Variants in NFIA observed in about 807,000 individuals in gnomAD.
NFIA encodes the protein nuclear factor 1 A-type.
A neutral mutation model predicts 62.8 loss-of-function variants in NFIA; 8 were observed. The ratio of observed to expected loss-of-function variants is 0.13; its 90% CI spans 0.07 to 0.23. The LOEUF is 0.23. Ranked by LOEUF, NFIA falls within the 10% of genes least tolerant of loss-of-function variation. The pLI, the probability that NFIA is intolerant of heterozygous loss-of-function variation, is 1.00. For missense variants in NFIA, 410 were observed against 642.1 expected (o/e 0.64, Z 3.91); for synonymous variants, 235 against 238.1 (o/e 0.99, Z 0.12).
chr1:61,303,283 G>A (rs1388840542), intron 3 of NFIA, among the ~76,000 whole-genome samples: 1 of 152,154 alleles, frequency 6.6e-6, no homozygotes, highest in African/African-American at 2.4e-5. Flanking sequence ...CTTGGTAGTT[G>A]CACAGGATAC....
intron 9 of NFIA, among the ~76,000 whole-genome samples, chr1:61,418,098 T>C (rs1212140288): frequency 6.6e-6 from 1 of 152,232 alleles, no homozygotes; most frequent in Non-Finnish European, 1.5e-5. Context: ...CCAAAAAAAG[T>C]ATTATTTGAG....
chr1:61,361,978 C>T (rs1307362870), intron 6 of NFIA, among the ~76,000 whole-genome samples: 2 of 151,998 alleles, frequency 1.3e-5, no homozygotes, highest in East Asian at 1.9e-4. Context: ...GTACATTTGG[C>T]CATACTCAGC....
At chr1:61,362,010 C>G (rs1663324728) in intron 6 of NFIA, among the ~76,000 whole-genome samples, 1 of 151,986 alleles carries the variant, frequency 6.6e-6, no homozygotes, top group Admixed American at 6.6e-5. Flanking sequence ...GTCATAATTG[C>G]AACAAGGCCT....
intron 2 of NFIA, among the ~76,000 whole-genome samples, chr1:61,211,220 A>G (rs1336155790): frequency 6.6e-6 from 1 of 152,210 alleles, no homozygotes; most frequent in Non-Finnish European, 1.5e-5. Context: ...AACTCAAAAA[A>G]CAAACAGTAC....
At chr1:61,451,010 G>C (rs1668031987) in intron 10 of NFIA, among the ~76,000 whole-genome samples, 1 of 152,174 alleles carries the variant, frequency 6.6e-6, no homozygotes, top group Non-Finnish European at 1.5e-5. Flanking sequence ...GCCCGCATCA[G>C]CTGTGTCTTC....
chr1:61,307,142 C>T (rs146330275), intron 3 of NFIA, among the ~76,000 whole-genome samples: 175 of 152,314 alleles, frequency 1.1e-3, no homozygotes, highest in African/African-American at 4.2e-3. Context: ...CAGCAAACCA[C>T]AGCTGCTATG....
chr1:61,137,953 CTTTT>C (rs1240928223), intron 2 of NFIA, among the ~76,000 whole-genome samples: 1 of 142,882 alleles, frequency 7.0e-6, no homozygotes, highest in Non-Finnish European at 1.5e-5. Context: ...TCTCCCACCT[CTTTT>C]TTTTTTTTTC....
At chr1:61,148,453 A>T (rs2100517069) in intron 2 of NFIA, among the ~76,000 whole-genome samples, 1 of 152,138 alleles carries the variant, frequency 6.6e-6, no homozygotes, top group East Asian at 1.9e-4. Context: ...CTTCTAGAAG[A>T]CGTTTTAGGA....
intron 3 of NFIA, among the ~76,000 whole-genome samples, chr1:61,285,223 C>G (rs1658409522): frequency 6.6e-6 from 1 of 152,024 alleles, no homozygotes; most frequent in African/African-American, 2.4e-5. Flanking sequence ...CTTAGAAGGA[C>G]CACTTCTAAT....
At chr1:61,278,724 G>A (rs550815638) in intron 3 of NFIA, among the ~76,000 whole-genome samples, 1 of 152,158 alleles carries the variant, frequency 6.6e-6, no homozygotes, top group Non-Finnish European at 1.5e-5. Context: ...CTGGGAGGCA[G>A]AGGTTGCAGT....
chr1:61,351,953 T>G (rs1662568063), intron 4 of NFIA, among the ~76,000 whole-genome samples: 1 of 152,188 alleles, frequency 6.6e-6, no homozygotes, highest in Admixed American at 6.5e-5. Flanking sequence ...GTATGCAAGA[T>G]GGAGAGGTGA....
chr1:61,077,825 G>T (rs1368306888), upstream of NFIA, among the ~76,000 whole-genome samples: 3 of 150,552 alleles, frequency 2.0e-5, no homozygotes, highest in Admixed American at 1.3e-4. Flanking sequence ...TTTTTGCTAT[G>T]TGCATCAGAG....
At chr1:61,178,344 CA>C (rs1650535405) in intron 2 of NFIA, among the ~76,000 whole-genome samples, 2 of 152,108 alleles carry the variant, frequency 1.3e-5, no homozygotes, top group African/African-American at 4.8e-5. Context: ...AACATTTGTC[CA>C]AATCATATTG....
intron 2 of NFIA, among the ~76,000 whole-genome samples, chr1:61,155,533 C>T (rs904105126): frequency 2.0e-5 from 3 of 151,532 alleles, no homozygotes; most frequent in Non-Finnish European, 2.9e-5. Flanking sequence ...ATTAGCCGGG[C>T]GCGGTGGTGG....
At chr1:61,096,860 G>A (rs774123404) in intron 2 of NFIA, among the ~76,000 whole-genome samples, 2 of 152,010 alleles carry the variant, frequency 1.3e-5, no homozygotes, top group African/African-American at 4.8e-5. Context: ...GACAAGATTA[G>A]TTCTTAATGA....
intron 6 of NFIA, among the ~76,000 whole-genome samples, chr1:61,372,518 T>G (rs1427878854): frequency 6.6e-6 from 1 of 151,964 alleles, no homozygotes; most frequent in Non-Finnish European, 1.5e-5. Flanking sequence ...GAATGTAGCA[T>G]TAATCATTAG....
intron 2 of NFIA, among the ~76,000 whole-genome samples, chr1:61,222,829 A>G (rs1654102545): frequency 6.6e-6 from 1 of 152,042 alleles, no homozygotes; most frequent in African/African-American, 2.4e-5. Flanking sequence ...GACATAAATA[A>G]TTCCAAGTCT....
At chr1:61,139,782 A>G (rs1647361743) in intron 2 of NFIA, among the ~76,000 whole-genome samples, 2 of 149,454 alleles carry the variant, frequency 1.3e-5, no homozygotes, top group Non-Finnish European at 3.0e-5. Context: ...GAGCTGAACT[A>G]TTAAGTTTTA....
chr1:61,292,089 T>G (rs1469962417), intron 3 of NFIA, among the ~76,000 whole-genome samples: 1 of 152,168 alleles, frequency 6.6e-6, no homozygotes, highest in Non-Finnish European at 1.5e-5. Flanking sequence ...GGGTGACACA[T>G]GACCACCTGA....
Sources: allele counts gnomAD v4.1 joint callset (sites outside exome capture counted in the v4.1 genomes callset), GRCh38; gene constraint gnomAD v4.1.1; transcripts MANE v1.5; gene names NCBI Gene and HGNC (gene_info 2026-07-23, HGNC 2026-07-21).